Variants in CNTNAP2 observed in about 807,000 individuals in gnomAD.
CNTNAP2 encodes contactin-associated protein-like 2.
In CNTNAP2, 98 loss-of-function variants were observed where a neutral mutation model predicts 155.2. The ratio of observed to expected loss-of-function variants is 0.63; its 90% CI spans 0.54 to 0.75. The LOEUF is 0.75. Among genes scored for constraint, CNTNAP2 ranks in the 30% least tolerant of loss-of-function variants. CNTNAP2 has a pLI of 0.00. For missense variants in CNTNAP2, 1,727 were observed against 1,688.1 expected (o/e 1.02, Z -0.40); for synonymous variants, 651 against 631.2 (o/e 1.03, Z -0.47).
At chr7:148,362,727 G>A (rs1798649317) in intron 21 of CNTNAP2, among the ~76,000 whole-genome samples, 1 of 152,144 alleles carries the variant, frequency 6.6e-6, no homozygotes, top group African/African-American at 2.4e-5. Context: ...CTGCTAATAG[G>A]AAGCTTGAAA....
At chr7:147,904,994 T>C (rs934762865) in intron 14 of CNTNAP2, among the ~76,000 whole-genome samples, 1 of 152,172 alleles carries the variant, frequency 6.6e-6, no homozygotes, top group African/African-American at 2.4e-5. Context: ...ATTAACCTTT[T>C]ATTCATTCGT....
intron 12 of CNTNAP2, among the ~76,000 whole-genome samples, chr7:147,613,604 G>A (rs746303121): frequency 1.6e-4 from 25 of 152,190 alleles, no homozygotes; most frequent in Admixed American, 9.2e-4. Context: ...TTGGGAGGCC[G>A]AGGTGGGCAC....
At chr7:147,862,429 T>G (rs1485279409) in intron 13 of CNTNAP2, among the ~76,000 whole-genome samples, 2 of 152,146 alleles carry the variant, frequency 1.3e-5, no homozygotes, top group East Asian at 3.9e-4. Flanking sequence ...TGCATAATAA[T>G]GCATACTAAC....
At chr7:148,093,758 A>C (rs1381493970) in intron 15 of CNTNAP2, among the ~76,000 whole-genome samples, 1 of 151,994 alleles carries the variant, frequency 6.6e-6, no homozygotes, top group Non-Finnish European at 1.5e-5. Flanking sequence ...TAGTAAGAGT[A>C]CTCTTGATAG....
chr7:146,541,684 A>G (rs925236196), intron 1 of CNTNAP2, among the ~76,000 whole-genome samples: 2 of 151,946 alleles, frequency 1.3e-5, no homozygotes, highest in Admixed American at 1.3e-4. Flanking sequence ...TTTGTAAAAG[A>G]TATATATCCA....
At chr7:148,192,771 A>T (rs1420409883) in intron 18 of CNTNAP2, among the ~76,000 whole-genome samples, 1 of 152,190 alleles carries the variant, frequency 6.6e-6, no homozygotes, top group Non-Finnish European at 1.5e-5. Flanking sequence ...TCTTAACTTC[A>T]CTCAAAGTTC....
chr7:147,409,693 C>T (rs566676367), intron 10 of CNTNAP2, among the ~76,000 whole-genome samples: 1 of 151,020 alleles, frequency 6.6e-6, no homozygotes, highest in African/African-American at 2.4e-5. Context: ...GGAACTGAAA[C>T]AAATTTACAA....
chr7:146,968,035 G>A, intron 3 of CNTNAP2, among the ~76,000 whole-genome samples: 1 of 145,210 alleles, frequency 6.9e-6, no homozygotes, highest in Non-Finnish European at 1.6e-5. Context: ...GTTGAATTTT[G>A]TCAAAGGCCT....
At chr7:146,617,620 A>G (rs542655795) in intron 1 of CNTNAP2, among the ~76,000 whole-genome samples, 3 of 152,200 alleles carry the variant, frequency 2.0e-5, no homozygotes, top group Non-Finnish European at 4.4e-5. Flanking sequence ...TTTCACATCT[A>G]AAAGAACCGT....
intron 13 of CNTNAP2, among the ~76,000 whole-genome samples, chr7:147,824,581 T>G (rs1196079499): frequency 1.3e-5 from 2 of 152,092 alleles, no homozygotes; most frequent in African/African-American, 4.8e-5. Flanking sequence ...AATATGAGTA[T>G]CAAAAAAGGT....
chr7:147,000,524 G>C (rs767794413), intron 3 of CNTNAP2, among the ~76,000 whole-genome samples: 7 of 152,040 alleles, frequency 4.6e-5, no homozygotes, highest in South Asian at 2.1e-4. Context: ...CTTTGTCTAT[G>C]AATATCCTTC....
chr7:148,069,973 G>T (rs562877314), intron 15 of CNTNAP2, among the ~76,000 whole-genome samples: 2 of 152,216 alleles, frequency 1.3e-5, no homozygotes, highest in South Asian at 4.1e-4. Context: ...TTAATTCTCT[G>T]ACAACTGCAT....
At chr7:147,373,219 TCCCGTTTTAA>T (rs2116918404) in intron 9 of CNTNAP2, among the ~76,000 whole-genome samples, 1 of 152,170 alleles carries the variant, frequency 6.6e-6, no homozygotes, top group African/African-American at 2.4e-5. Flanking sequence ...GTAAAGAATT[TCCCGTTTTAA>T]CCCATGATGG....
intron 1 of CNTNAP2, among the ~76,000 whole-genome samples, chr7:146,643,636 G>A (rs76101362): frequency 3.3e-5 from 5 of 151,958 alleles, no homozygotes; most frequent in Admixed American, 2.6e-4. Context: ...TTGACTTGGC[G>A]ATGCAGGCTC....
At chr7:147,743,804 A>G (rs1382430358) in intron 13 of CNTNAP2, among the ~76,000 whole-genome samples, 1 of 151,368 alleles carries the variant, frequency 6.6e-6, no homozygotes, top group Non-Finnish European at 1.5e-5. Flanking sequence ...CTCCATCCCT[A>G]TCTCCTCCCC....
At chr7:146,500,105 T>C (rs1797279009) in intron 1 of CNTNAP2, among the ~76,000 whole-genome samples, 1 of 152,232 alleles carries the variant, frequency 6.6e-6, no homozygotes, top group South Asian at 2.1e-4. Context: ...TTTGTGTGAA[T>C]TCCTTAGAAT....
chr7:148,212,186 C>A (rs1431220915), intron 18 of CNTNAP2, among the ~76,000 whole-genome samples: 1 of 150,564 alleles, frequency 6.6e-6, no homozygotes. Context: ...TTTGGTTAAA[C>A]AAGGAGATAA....
chr7:148,393,119 C>T (rs1799389386), intron 22 of CNTNAP2, among the ~76,000 whole-genome samples: 1 of 151,754 alleles, frequency 6.6e-6, no homozygotes, highest in Admixed American at 6.6e-5. Flanking sequence ...TTTAAAATTA[C>T]ATATATCATC....
At chr7:147,325,195 G>A (rs1795430500) in intron 9 of CNTNAP2, among the ~76,000 whole-genome samples, 4 of 152,074 alleles carry the variant, frequency 2.6e-5, no homozygotes, top group Admixed American at 1.3e-4. Context: ...AGCTACTCAG[G>A]AGGCTGAGGC....
Sources: allele counts gnomAD v4.1 joint callset (sites outside exome capture counted in the v4.1 genomes callset), GRCh38; gene constraint gnomAD v4.1.1; transcripts MANE v1.5; gene names NCBI Gene and HGNC (gene_info 2026-07-23, HGNC 2026-07-21).